NOXRED1: variants seen among roughly 807,000 people sequenced by gnomAD.
NOXRED1 encodes NADP-dependent oxidoreductase domain-containing protein 1.
Under a neutral mutation model 30.4 loss-of-function variants are expected in NOXRED1, and 20 were observed. The ratio of observed to expected loss-of-function variants is 0.66; its 90% CI spans 0.46 to 0.96. The LOEUF (loss-of-function observed/expected upper bound fraction) is 0.96. NOXRED1 is among the 40% of genes least tolerant of loss of function. The probability of loss-of-function intolerance (pLI) is 0.00; values close to 1 mark genes in which losing one functional copy is unlikely to be tolerated. For missense variants in NOXRED1, 374 were observed against 428.0 expected (o/e 0.87, Z 1.11); for synonymous variants, 155 against 168.0 (o/e 0.92, Z 0.60).
intron 1 of NOXRED1, among the ~76,000 whole-genome samples, chr14:77,420,476 CT>C (rs1420136941): frequency 6.6e-6 from 1 of 151,528 alleles, no homozygotes; most frequent in Non-Finnish European, 1.5e-5. Context: ...GCATCCCAAA[CT>C]GCTGGGATTA....
chr14:77,417,180 T>A (rs1285861306), intron 1 of NOXRED1, among the ~76,000 whole-genome samples: 1 of 152,104 alleles, frequency 6.6e-6, no homozygotes, highest in Non-Finnish European at 1.5e-5. Context: ...ATTTGAATCT[T>A]CTTAAATTTG....
chr14:77,406,536 A>G, intron 4 of NOXRED1, 188 bp downstream of exon 4: 1 of 700,920 alleles, frequency 1.4e-6, no homozygotes, highest in Non-Finnish European at 2.5e-6. Flanking sequence ...AGAAGTCCAA[A>G]TGATCAAGCT....
At chr14:77,408,815 T>C (rs552106346) in intron 2 of NOXRED1, among the ~76,000 whole-genome samples, 1 of 151,352 alleles carries the variant, frequency 6.6e-6, no homozygotes, top group Non-Finnish European at 1.5e-5. Flanking sequence ...ATATACAAAT[T>C]AATTTTATTA....
chr14:77,420,515 TG>T (rs1894965655), intron 1 of NOXRED1, among the ~76,000 whole-genome samples: 1 of 151,816 alleles, frequency 6.6e-6, no homozygotes, highest in African/African-American at 2.4e-5. Context: ...ATTTGTAATT[TG>T]TAATTACAAA....
chr14:77,402,051 C>T (rs1413092434), intron 5 of NOXRED1, among the ~76,000 whole-genome samples: 1 of 152,136 alleles, frequency 6.6e-6, no homozygotes, highest in Non-Finnish European at 1.5e-5. Flanking sequence ...AAATGTGTCA[C>T]ATGCAGAACT....
intron 3 of NOXRED1, 104 bp downstream of exon 3, chr14:77,407,360 CA>C: frequency 1.2e-6 from 1 of 810,906 alleles, no homozygotes; most frequent in Non-Finnish European, 2.0e-6. Flanking sequence ...TTACTGGAAA[CA>C]ACCAACTCTA....
upstream of NOXRED1, among the ~76,000 whole-genome samples, chr14:77,423,856 T>C (rs896941352): frequency 1.4e-4 from 21 of 152,196 alleles, no homozygotes; most frequent in Non-Finnish European, 5.9e-5. Flanking sequence ...CCACATAACA[T>C]AAAATTAGCC....
upstream of NOXRED1, among the ~76,000 whole-genome samples, chr14:77,424,475 A>G (rs1895075303): frequency 6.6e-6 from 1 of 152,218 alleles, no homozygotes; most frequent in African/African-American, 2.4e-5. Context: ...TCAAAAAAAT[A>G]AAAAATAAAA....
At chr14:77,398,020 G>C (rs907899870) in intron 5 of NOXRED1, among the ~76,000 whole-genome samples, 1 of 152,136 alleles carries the variant, frequency 6.6e-6, no homozygotes, top group African/African-American at 2.4e-5. Flanking sequence ...AAGAGAGGTA[G>C]GGTCAAGGGC....
At chr14:77,416,169 A>T (rs1894815662) in intron 1 of NOXRED1, among the ~76,000 whole-genome samples, 1 of 152,188 alleles carries the variant, frequency 6.6e-6, no homozygotes, top group South Asian at 2.1e-4. Flanking sequence ...CTCAAGCTTC[A>T]TCCATATCAA....
At chr14:77,417,955 G>A (rs7145711) in intron 1 of NOXRED1, among the ~76,000 whole-genome samples, 1 of 150,674 alleles carries the variant, frequency 6.6e-6, no homozygotes, top group Non-Finnish European at 1.5e-5. Flanking sequence ...AGTTACCGTA[G>A]GAAATTGCAT....
At chr14:77,425,640 T>C (rs887196351), upstream of NOXRED1, among the ~76,000 whole-genome samples, 2 of 152,236 alleles carry the variant, frequency 1.3e-5, no homozygotes, top group Admixed American at 1.3e-4. Flanking sequence ...TAAAGCAGTT[T>C]CTCAACACTG....
rs766380950 is a variant in NOXRED1, at chr14:77,404,244, G to A, written c.905+1669C>T. 7.3e-4 allele frequency among the ~76,000 whole-genome samples: 111 copies of A among 152,074 alleles called. 1 individual carries two copies. The highest frequency in any genetic ancestry group is 1.2e-3 in the Non-Finnish European group (80 of 68,024). ...GATCCAATACAACAGAAAAGTGAGG[G>A]GAATCCCTGGGATAATGAAGAAGAA... On this transcript the variant is annotated intron_variant, in intron 5 of 5. Transcript: ENST00000380835.
chr14:77,413,154 A>G (rs1432279163), intron 2 of NOXRED1, among the ~76,000 whole-genome samples: 3 of 152,038 alleles, frequency 2.0e-5, no homozygotes, highest in Non-Finnish European at 2.9e-5. Context: ...CCCCAGAAAA[A>G]GTTGCTTTGG....
At chr14:77,406,590 TAC>T (rs56942412) in intron 4 of NOXRED1, 132 bp downstream of exon 4, 28,550 of 763,128 alleles carry the variant, frequency 0.037, 235 homozygotes, top group African/African-American at 0.055. Context: ...CCTTGTGCCT[TAC>T]ACACACACAC....
At position 77,407,618 on chromosome 14, in the gene NOXRED1, C is replaced by A. The variant is rs1894509036; in HGVS notation, c.377G>T (p.Cys126Phe). Residue 126 changes from cysteine to phenylalanine, a missense_variant, in exon 3 of 6, where the codon TGC becomes TTC. Cys to Phe is a radical substitution (Grantham distance 205, BLOSUM62 -2). Transcript: ENST00000380835. ...CACCAGATCAGCGTTATGGTAAAAGCATTTGATTCCCAGCTTCTGGAGCTC... is the reference window on the plus strand; with the variant it reads ...CACCAGATCAGCGTTATGGTAAAAGAATTTGATTCCCAGCTTCTGGAGCTC... ...LGELQKLGIK[C>F]FYHNADLVSW... 6.2e-7 allele frequency: 1 copy of A among 1,613,964 alleles called. No homozygotes were observed. The highest frequency in any genetic ancestry group is 8.5e-7 in the Non-Finnish European group (1 of 1,179,970).
At chr14:77,405,819 T>C in intron 5 of NOXRED1, 94 bp downstream of exon 5, 2 of 749,144 alleles carry the variant, frequency 2.7e-6, no homozygotes, top group South Asian at 3.4e-5. Context: ...TTTATCAATG[T>C]TTAAAGAGAA....
intron 1 of NOXRED1, among the ~76,000 whole-genome samples, chr14:77,414,946 G>A (rs1484246123): frequency 2.0e-5 from 3 of 152,088 alleles, no homozygotes; most frequent in Non-Finnish European, 4.4e-5. Context: ...AGAGGCCAAG[G>A]CAGGCAGATC....
At chr14:77,397,950 C>G (rs966822342) in intron 5 of NOXRED1, among the ~76,000 whole-genome samples, 113 of 151,638 alleles carry the variant, frequency 7.5e-4, no homozygotes, top group African/African-American at 2.7e-3. Context: ...GAAGTTGCCA[C>G]TCTATCCTAA....
Sources: gnomAD v4.1 joint callset for allele counts (sites outside exome capture counted in the v4.1 genomes callset) on GRCh38, gnomAD v4.1.1 for gene constraint, MANE v1.5 for transcripts, NCBI Gene and HGNC (gene_info 2026-07-23, HGNC 2026-07-21) for gene names.